COL12A1: variants seen among roughly 807,000 people sequenced by gnomAD.
COL12A1 encodes the protein collagen type XII alpha 1 chain.
A neutral mutation model predicts 349.7 loss-of-function variants in COL12A1; 114 were observed. That is an observed-to-expected ratio of 0.33 (90% CI 0.28 to 0.38). The LOEUF (loss-of-function observed/expected upper bound fraction) is 0.38, where lower values mean the gene tolerates loss of function less well. COL12A1 is among the 10% of genes least tolerant of loss of function. The probability of loss-of-function intolerance (pLI) is 1.00; values close to 1 mark genes in which losing one functional copy is unlikely to be tolerated. For synonymous variants in COL12A1, 1,369 were observed against 1,329.0 expected, an observed-to-expected ratio of 1.03 and a Z score of -0.66; for missense variants, 3,284 against 3,756.9, an observed-to-expected ratio of 0.87 and a Z score of 3.29.
At position 75,189,789 on chromosome 6, in the gene COL12A1, A is replaced by T; in HGVS notation, c.421T>A (p.Leu141Met). ...QKCSVSAWTD[L>M]VFLVDGSWSV... is the part of the protein sequence containing the mutation. ...CAAGAGCCATCCACGAGGAAAACCA[A>T]ATCAGTCCAGGCACTGACAGAGCAT... The change falls in exon 6 of 66, where the codon TTG becomes ATG. Residue 141 changes from leucine to methionine, a missense_variant. This residue lies in a region of COL12A1 where 2,601 missense variants were observed against 2,824.8 expected (regional missense o/e 0.92). Coordinates refer to ENST00000322507, the MANE Select transcript of COL12A1 (RefSeq NM_004370.6). 1 of 1,613,104 alleles carries T rather than the reference A, an allele frequency of 6.2e-7. No homozygotes were observed. Among genetic ancestry groups the T allele is most frequent in the African/African-American group, 1.3e-5 (1 of 74,988 alleles).
Position 75,089,267 on chromosome 6 carries a change from C to G in COL12A1, c.8942-93G>C, listed in dbSNP as rs572727707. On this transcript the variant is annotated intron_variant, in intron 63 of 65. Transcript: ENST00000322507. ...CTGATAATATTTGATTCAAGTAATT[C>G]ATTTCCTTAGTGAAAGCAGAACCTA... The G allele has an allele frequency of 4.3e-6, 4 of 934,350 alleles. No individual in the cohort carries two copies. In the African/African-American group the frequency reaches 5.2e-5, roughly 12 times the overall value. The allele number at this position is 934,350 out of a possible 1,614,324, so 57.9% of individuals were successfully genotyped here.
chr6:75,155,884 T>C, intron 15 of COL12A1, 30 bp from the exon 16 acceptor site: 1 of 1,568,620 alleles, frequency 6.4e-7, no homozygotes, highest in Non-Finnish European at 8.6e-7. Context: ...TTTAAAATAT[T>C]ATCTGTAAGA....
chr6:75,151,142 TG>T lies in COL12A1; in HGVS notation c.4145del (p.Pro1382GlnfsTer10). 6.9e-7 allele frequency: 1 copy of T among 1,444,156 alleles called. No individual in the cohort carries two copies. 89.5% of individuals were successfully genotyped at this position (1,444,156 alleles called of 1,614,324 possible). A position where few individuals can be genotyped will look rare whatever the true frequency, so the allele number is the denominator to read the frequency against. ...AGAGAAACTCTGGGTTAAACTTACC[TG>T]GACCTTTGACACTGTTACACAAATT... ...TINLCNSVKGPGDLEAPSNLV... is the reference protein window; with the variant it reads ...TINLCNSVKGXGDLEAPSNLV... On this transcript the variant is annotated frameshift_variant and splice_region_variant, in exon 21 of 66. Coordinates refer to ENST00000322507, the MANE Select transcript of COL12A1 (RefSeq NM_004370.6). LOFTEE classifies it high-confidence loss of function.
At chr6:75,157,665 C>G (rs750165326) in intron 14 of COL12A1, among the ~76,000 whole-genome samples, 1 of 151,958 alleles carries the variant, frequency 6.6e-6, no homozygotes, top group Non-Finnish European at 1.5e-5. Flanking sequence ...CTGGAGAGCC[C>G]AAAGCAACCA....
chr6:75,189,416 A>G (rs375203517), intron 6 of COL12A1, 35 bp from the exon 7 acceptor site: 28 of 1,593,984 alleles, frequency 1.8e-5, no homozygotes, highest in Non-Finnish European at 6.8e-6. Flanking sequence ...TTTACTCTGT[A>G]CTACACAATT....
chr6:75,086,395 C>G lies in COL12A1; in HGVS notation c.*152G>C. Reference sequence around the variant, plus strand: ...CAAGTTAGTAAAAAGAGTCTCCACCCTCCTTTGTGATGTCGACCCGGTTCG... The same window carrying G: ...CAAGTTAGTAAAAAGAGTCTCCACCGTCCTTTGTGATGTCGACCCGGTTCG... On this transcript the variant is annotated 3_prime_UTR_variant, in exon 66 of 66. Coordinates refer to ENST00000322507, the MANE Select transcript of COL12A1 (RefSeq NM_004370.6). 1 of 467,156 alleles carries G rather than the reference C, an allele frequency of 2.1e-6. No homozygotes were observed. Among genetic ancestry groups the G allele is most frequent in the Admixed American group, 3.1e-5 (1 of 32,384 alleles). The allele number at this position is 467,156 out of a possible 1,614,324, so 28.9% of individuals were successfully genotyped here. A position where few individuals can be genotyped will look rare whatever the true frequency, so the allele number is the denominator to read the frequency against.
intron 20 of COL12A1, 132 bp from the exon 21 acceptor site, chr6:75,151,419 TA>T: frequency 8.8e-6 from 6 of 683,726 alleles, no homozygotes; most frequent in Non-Finnish European, 1.2e-5. Flanking sequence ...ATTAGTTAAC[TA>T]AAACATACAT....
At chr6:75,095,051 C>G in intron 60 of COL12A1, 57 bp downstream of exon 60, 1 of 1,466,792 alleles carries the variant, frequency 6.8e-7, no homozygotes, top group South Asian at 1.2e-5. Flanking sequence ...TTGCAGTTCT[C>G]ATTATTTATT....
chr6:75,174,711 G>A (rs16886237), intron 13 of COL12A1, among the ~76,000 whole-genome samples: 10,681 of 152,100 alleles, frequency 0.07, 670 homozygotes, highest in East Asian at 0.22. Flanking sequence ...TTTTTTCATA[G>A]ATGTTTCCCA....
chr6:75,097,073 T>C (rs1035489541), intron 59 of COL12A1, among the ~76,000 whole-genome samples, 180 bp downstream of exon 59: 2 of 152,202 alleles, frequency 1.3e-5, no homozygotes, highest in African/African-American at 4.8e-5. Context: ...ACTGAAAGAT[T>C]CTGTATTTTA....
At chr6:75,202,165 A>G (rs1482524444) in intron 2 of COL12A1, among the ~76,000 whole-genome samples, 1 of 152,154 alleles carries the variant, frequency 6.6e-6, no homozygotes, top group Non-Finnish European at 1.5e-5. Flanking sequence ...ATCATCCCCC[A>G]GGCTGCTTGG....
chr6:75,136,443 GCTTA>G (rs1442184992), intron 31 of COL12A1, among the ~76,000 whole-genome samples: 9 of 152,138 alleles, frequency 5.9e-5, no homozygotes, highest in African/African-American at 2.2e-4. Flanking sequence ...ATTCAGCTAA[GCTTA>G]CTTACTGGGT....
At chr6:75,110,600 A>T (rs1768789718) in intron 51 of COL12A1, among the ~76,000 whole-genome samples, 1 of 151,982 alleles carries the variant, frequency 6.6e-6, no homozygotes, top group Admixed American at 6.6e-5. Flanking sequence ...CTGCCATTCT[A>T]GTTCTCTTTC....
intron 38 of COL12A1, among the ~76,000 whole-genome samples, chr6:75,127,831 A>ACATT (rs1766095480): frequency 6.6e-6 from 1 of 152,214 alleles, no homozygotes; most frequent in Non-Finnish European, 1.5e-5. Flanking sequence ...AATAAAAAAT[A>ACATT]CATTTTTCTT....
intron 12 of COL12A1, among the ~76,000 whole-genome samples, chr6:75,176,381 T>G (rs1338229920): frequency 4.5e-5 from 5 of 110,142 alleles, no homozygotes; most frequent in Admixed American, 1.0e-4. Context: ...GGTGGGAGAG[T>G]GATGCAGTGG....
chr6:75,132,054 T>G lies in COL12A1; in HGVS notation c.5823A>C (p.Gln1941His). The part of the protein sequence containing the change: ...TLMRGLARNV[Q>H]VYNPTPNSLD... ...GGCTGTTAGGTGTAGGATTGTATAC[T>G]TGGACATTTCTTGCCAGTCCTCTCA... Residue 1941 changes from glutamine to histidine, a missense_variant, in exon 35 of 66, where the codon CAA (glutamine) becomes CAC (histidine). Transcript: ENST00000322507. The G allele has an allele frequency of 6.2e-7, 1 of 1,614,094 alleles. No homozygotes were observed. Among genetic ancestry groups the G allele is most frequent in the Non-Finnish European group, 8.5e-7 (1 of 1,179,950 alleles).
chr6:75,147,877 T>C, intron 22 of COL12A1, 73 bp from the exon 23 acceptor site: 5 of 1,499,212 alleles, frequency 3.3e-6, no homozygotes, highest in Non-Finnish European at 4.5e-6. Flanking sequence ...ACTTACAAAG[T>C]AGTTAACTGC....
intron 13 of COL12A1, among the ~76,000 whole-genome samples, chr6:75,168,212 C>A (rs1426191166): frequency 6.6e-6 from 1 of 152,156 alleles, no homozygotes; most frequent in Non-Finnish European, 1.5e-5. Flanking sequence ...TTAAATCCAT[C>A]CTGCTCCCCA....
At chr6:75,183,738 CT>C (rs202023470) in intron 9 of COL12A1, 86 bp from the exon 10 acceptor site, 7 of 1,411,508 alleles carry the variant, frequency 5.0e-6, no homozygotes, top group Non-Finnish European at 4.6e-6. Flanking sequence ...AAGCGTGCTT[CT>C]TTAAAAAAAA....
Sources: allele counts gnomAD v4.1 joint callset (sites outside exome capture counted in the v4.1 genomes callset), GRCh38; gene constraint gnomAD v4.1.1; regional missense constraint gnomAD v4.1.1; transcripts MANE v1.5; gene names NCBI Gene and HGNC (gene_info 2026-07-23, HGNC 2026-07-21).